The following PLPP3 variants were observed in gnomAD, a reference collection of about 807,000 sequenced individuals.
PLPP3 encodes the protein PAP2 beta.
PLPP3 carries 6 observed loss-of-function variants against 29.6 expected under a neutral mutation model. The ratio of observed to expected loss-of-function variants is 0.20; its 90% CI spans 0.11 to 0.40. PLPP3 has a LOEUF of 0.40. Ranked by LOEUF, PLPP3 falls within the 10% of genes least tolerant of loss-of-function variation. The pLI, the probability that PLPP3 is intolerant of heterozygous loss-of-function variation, is 1.00. For missense variants in PLPP3, 308 were observed against 407.7 expected (o/e 0.76, Z 2.11); for synonymous variants, 152 against 159.7 (o/e 0.95, Z 0.36).
rs80200373 is a variant in PLPP3 at position 56,533,722 on chromosome 1, C to A, written c.297+3233G>T. Among the ~76,000 whole-genome samples the A allele has an allele frequency of 8.7e-3, 1,317 of 152,240 alleles. 14 individuals are homozygous for A. The highest frequency in any genetic ancestry group is 0.03 in the African/African-American group (1,256 of 41,548). ...ACACAATATCACATGATTTGACAAC[C>A]AAAACAAGCCTATGGCATTGGTGAA... On this transcript the variant is annotated intron_variant, in intron 2 of 5. Coordinates refer to ENST00000371250, the MANE Select transcript of PLPP3 (RefSeq NM_003713.5).
Position 56,524,660 on chromosome 1 carries a change from G to T in PLPP3, c.298-106C>A. The T allele has an allele frequency of 7.9e-7, 1 of 1,265,990 alleles. No individual in the cohort carries two copies. 78.4% of individuals were successfully genotyped at this position (1,265,990 alleles called of 1,614,324 possible). ...CAGGAGAATATTCAGTATTTGCAAAGGAGTGTCCTAATTTTCTATTTATGA... is the reference window on the plus strand; with the variant it reads ...CAGGAGAATATTCAGTATTTGCAAATGAGTGTCCTAATTTTCTATTTATGA... On this transcript the variant is annotated intron_variant, in intron 2 of 5. Coordinates refer to ENST00000371250, the MANE Select transcript of PLPP3 (RefSeq NM_003713.5). The surrounding 1 kb of genome is among the most constrained non-coding windows in gnomAD (Gnocchi z 4.3).
At chr1:56,527,883 C>T (rs1249287723) in intron 2 of PLPP3, among the ~76,000 whole-genome samples, 1 of 152,120 alleles carries the variant, frequency 6.6e-6, no homozygotes, top group East Asian at 1.9e-4. Context: ...ACCTAACTCT[C>T]GAGTCCCAGA....
intron 2 of PLPP3, among the ~76,000 whole-genome samples, chr1:56,529,171 A>G (rs980398923): frequency 2.0e-5 from 3 of 152,112 alleles, no homozygotes; most frequent in Non-Finnish European, 4.4e-5. Context: ...ACCAACACTT[A>G]TATAAATGAG....
intron 5 of PLPP3, among the ~76,000 whole-genome samples, chr1:56,497,383 C>G (rs1019205948): frequency 6.6e-6 from 1 of 152,192 alleles, no homozygotes; most frequent in Non-Finnish European, 1.5e-5. Flanking sequence ...ATGGCACAGG[C>G]ATAGTTCCTG....
At chr1:56,547,104 G>A (rs1013719291) in intron 1 of PLPP3, among the ~76,000 whole-genome samples, 1 of 152,190 alleles carries the variant, frequency 6.6e-6, no homozygotes, top group Non-Finnish European at 1.5e-5. Flanking sequence ...AGAACTGTAA[G>A]AGATCTTAAT....
At chr1:56,568,375 C>G (rs1323992990) in intron 1 of PLPP3, among the ~76,000 whole-genome samples, 3 of 152,112 alleles carry the variant, frequency 2.0e-5, no homozygotes. Context: ...CAGGAAAAAC[C>G]CTTTCTCTAA....
intron 4 of PLPP3, among the ~76,000 whole-genome samples, chr1:56,520,613 C>T (rs1411210966): frequency 1.0e-4 from 12 of 118,430 alleles, no homozygotes; most frequent in Admixed American, 1.0e-3. Context: ...CCTGTAATCC[C>T]AACACTTTGG....
At chr1:56,500,937 G>C (rs2100219455) in intron 5 of PLPP3, among the ~76,000 whole-genome samples, 1 of 149,456 alleles carries the variant, frequency 6.7e-6, no homozygotes, top group East Asian at 2.0e-4. Flanking sequence ...CTGGGAGGCG[G>C]AGGTTTCAGT....
chr1:56,537,155 A>G, intron 1 of PLPP3, 43 bp from the exon 2 acceptor site: 2 of 1,584,090 alleles, frequency 1.3e-6, no homozygotes, highest in Non-Finnish European at 1.7e-6. Context: ...AAAAAAAAGA[A>G]AAAAAGGAAG....
chr1:56,537,939 C>A (rs1645939339), intron 1 of PLPP3, among the ~76,000 whole-genome samples: 1 of 152,266 alleles, frequency 6.6e-6, no homozygotes, highest in East Asian at 1.9e-4. Flanking sequence ...TGGATTCCAT[C>A]ACCTGCCAAG....
At chr1:56,512,349 C>T (rs1034389915) in intron 4 of PLPP3, 197 bp from the exon 5 acceptor site, 13 of 518,476 alleles carry the variant, frequency 2.5e-5, no homozygotes, top group African/African-American at 2.2e-4. Flanking sequence ...CGGTGGCTCA[C>T]GTCTGTAATC....
In PLPP3 at chr1:56,537,102, G is replaced by A. The variant is rs779524153; in HGVS notation, c.150C>T (p.Pro50=). 1.1e-5 allele frequency: 17 copies of A among 1,613,394 alleles called. No individual in the cohort carries two copies. The South Asian group carries it at 1.9e-4, about 18-fold the overall frequency. The change falls in exon 2 of 6, where the codon CCC becomes CCT. Residue 50 remains proline, a synonymous_variant. Transcript: ENST00000371250. ...DLFCLFMAGL[P]FLIIETSTIK... Reference sequence around the variant, plus strand: ...TGGTGCTTGTCTCGATGATGAGGAAGGGGAGGCCCGCTGGTCCAGGTGGAA... The same window carrying A: ...TGGTGCTTGTCTCGATGATGAGGAAAGGGAGGCCCGCTGGTCCAGGTGGAA...
intron 5 of PLPP3, among the ~76,000 whole-genome samples, chr1:56,497,867 A>G (rs1444762622): frequency 6.6e-6 from 1 of 152,226 alleles, no homozygotes; most frequent in African/African-American, 2.4e-5. Flanking sequence ...AGAAAGTGCT[A>G]TAAAAATCAC....
intron 2 of PLPP3, among the ~76,000 whole-genome samples, chr1:56,530,023 G>A (rs1645877154): frequency 6.6e-6 from 1 of 152,018 alleles, no homozygotes; most frequent in South Asian, 2.1e-4. Context: ...TCAGAGTCAT[G>A]GGCCTCCTGA....
At chr1:56,528,360 T>G (rs916964160) in intron 2 of PLPP3, among the ~76,000 whole-genome samples, 10 of 152,172 alleles carry the variant, frequency 6.6e-5, no homozygotes, top group South Asian at 4.1e-4. Flanking sequence ...ACTGCCCACA[T>G]ATTTACAAAT....
At chr1:56,533,117 T>A (rs968938660) in intron 2 of PLPP3, among the ~76,000 whole-genome samples, 10 of 151,762 alleles carry the variant, frequency 6.6e-5, no homozygotes, top group Admixed American at 5.9e-4. Flanking sequence ...TGCAGTGGCA[T>A]GATCTTGGCT....
At chr1:56,517,935 T>C (rs1383185277) in intron 4 of PLPP3, among the ~76,000 whole-genome samples, 2 of 152,292 alleles carry the variant, frequency 1.3e-5, no homozygotes, top group Admixed American at 6.5e-5. Context: ...GCTGACTCAT[T>C]ATACCTCATA....
intron 1 of PLPP3, among the ~76,000 whole-genome samples, chr1:56,567,034 T>C (rs192244926): frequency 1.0e-3 from 152 of 152,320 alleles, no homozygotes; most frequent in African/African-American, 3.5e-3. Flanking sequence ...CAGGGATATA[T>C]AGGTTTTACT....
chr1:56,510,330 C>T (rs1449946953), intron 5 of PLPP3, among the ~76,000 whole-genome samples: 1 of 152,154 alleles, frequency 6.6e-6, no homozygotes, highest in African/African-American at 2.4e-5. Flanking sequence ...ACGGTTTGCT[C>T]CCCCAGGTTC....
Sources: allele counts gnomAD v4.1 joint callset (sites outside exome capture counted in the v4.1 genomes callset), GRCh38; gene constraint gnomAD v4.1.1; non-coding constraint Gnocchi (gnomAD v3.1); transcripts MANE v1.5; gene names NCBI Gene and HGNC (gene_info 2026-07-23, HGNC 2026-07-21).